The following FBXO43 variants were observed in gnomAD, a reference collection of about 807,000 sequenced individuals.
FBXO43 encodes F-box protein 43.
In FBXO43, 22 loss-of-function variants were observed where a neutral mutation model predicts 56.7. The observed-to-expected ratio is 0.39, with a 90% CI of 0.28 to 0.55. FBXO43 has a LOEUF of 0.55. Ranked by LOEUF, FBXO43 falls within the 20% of genes least tolerant of loss-of-function variation. FBXO43 has a pLI of 0.66. For missense variants in FBXO43, 733 were observed against 814.9 expected (o/e 0.90, Z 1.22); for synonymous variants, 306 against 294.5 (o/e 1.04, Z -0.40).
rs1012649633 is a variant in FBXO43, at chr8:100,141,066, T to C, written c.1188A>G (p.Thr396=). The change falls in exon 2 of 5, where the codon ACA becomes ACG. Residue 396 remains threonine (T), a synonymous_variant. Transcript: ENST00000428847. The part of the protein sequence containing the change: ...TLREQSSQSE[T]EEEKQIVHPD... Reference sequence around the variant, plus strand: ...GGTGGACAATCTGCTTTTCCTCTTCTGTCTCTGACTGCGAGCTTTGTTCCC... The same window carrying C: ...GGTGGACAATCTGCTTTTCCTCTTCCGTCTCTGACTGCGAGCTTTGTTCCC... 1.7e-5 allele frequency: 28 copies of C among 1,614,192 alleles called. No individual in the cohort carries two copies. The highest frequency in any genetic ancestry group is 2.3e-5 in the Non-Finnish European group (27 of 1,180,026).
intron 3 of FBXO43, among the ~76,000 whole-genome samples, chr8:100,136,537 T>A (rs549725798): frequency 6.6e-6 from 1 of 152,352 alleles, no homozygotes; most frequent in Admixed American, 6.5e-5. Context: ...TCAGCTTCTA[T>A]AGGACTTTTC....
chr8:100,133,867 G>C lies in FBXO43; in HGVS notation c.2062C>G (p.Pro688Ala), dbSNP rs745516435. The C allele has an allele frequency of 6.8e-6, 11 of 1,613,900 alleles. No individual in the cohort carries two copies. Among genetic ancestry groups the C allele is most frequent in the Admixed American group, 5.0e-5 (3 of 59,980 alleles). Reference protein sequence around the residue: ...SEECSRGAAKPRNRKDALPGS... With the variant: ...SEECSRGAAKARNRKDALPGS... ...GGGAGAGCATCTTTTCTATTTCTTGGCTTTGCTGCTCCTCTACTACATTCT... is the reference window on the plus strand; with the variant it reads ...GGGAGAGCATCTTTTCTATTTCTTGCCTTTGCTGCTCCTCTACTACATTCT... Residue 688 changes from proline (P) to alanine (A), a missense_variant, in exon 5 of 5, where the codon CCA (proline) becomes GCA (alanine). Physicochemically the swap from Pro to Ala is conservative, Grantham distance 27 (BLOSUM62 -1). Transcript: ENST00000428847.
intron 2 of FBXO43, among the ~76,000 whole-genome samples, chr8:100,139,720 G>A (rs1814580813): frequency 6.6e-6 from 1 of 152,110 alleles, no homozygotes; most frequent in African/African-American, 2.4e-5. Flanking sequence ...TTATTATGTA[G>A]CAGCATTCAA....
In FBXO43 at chr8:100,141,204, G is replaced by C; in HGVS notation, c.1050C>G (p.Asp350Glu). Residue 350 changes from aspartate (D) to glutamate (E), a missense_variant, in exon 2 of 5, where the codon GAC becomes GAG. Asp to Glu is a conservative substitution (Grantham distance 45). Coordinates refer to ENST00000428847, the MANE Select transcript of FBXO43 (RefSeq NM_001029860.4). ...SLEKSEDSLSDQEGSFQELLQ... is the reference protein window; with the variant it reads ...SLEKSEDSLSEQEGSFQELLQ... The stretch of plus-strand genomic sequence containing the variant: ...GTAGTTCTTGAAAAGAACCCTCCTG[G>C]TCAGACAGGGAATCTTCTGATTTCT... 1.2e-6 allele frequency: 2 copies of C among 1,614,164 alleles called. No individual in the cohort carries two copies. Among genetic ancestry groups the C allele is most frequent in the East Asian group, 4.5e-5 (2 of 44,890 alleles).
At chr8:100,144,728 G>A (rs1335771932) in intron 1 of FBXO43, among the ~76,000 whole-genome samples, 3 of 151,432 alleles carry the variant, frequency 2.0e-5, no homozygotes, top group African/African-American at 7.3e-5. Flanking sequence ...TCAGGAGAGC[G>A]AGACCAACCT....
rs747487816 is a variant in FBXO43, at chr8:100,134,359, A to G, written c.1680T>C (p.Ala560=). ...ITQLKTDSEG[A]VLNVEDAATR... is the part of the protein sequence containing the mutation. ...TGGCAGCATCCTCGACATTTAATAC[A>G]GCCCCCTGTGGTAAAGGACAAGAGG... is the stretch of plus-strand genomic sequence containing the variant. Residue 560 remains alanine (A), a synonymous_variant, in exon 4 of 5, where the codon GCT becomes GCC. Transcript: ENST00000428847. The G allele has an allele frequency of 2.1e-5, 34 of 1,613,100 alleles. No individual in the cohort carries two copies. In the Admixed American group the frequency reaches 5.3e-4, roughly 25 times the overall value.
chr8:100,141,336 A>C lies in FBXO43; in HGVS notation c.918T>G (p.Leu306=). Residue 306 remains leucine, a synonymous_variant, in exon 2 of 5, where the codon CTT becomes CTG. Transcript: ENST00000428847. ...EDIFVTPISN[L]VANIRFNASQ... ...TTGCGTTAAATCTAATGTTTGCCAC[A>C]AGATTACTTATCGGAGTCACAAATA... 1 of 1,613,810 alleles carries C rather than the reference A, an allele frequency of 6.2e-7. No homozygotes were observed. Among genetic ancestry groups the C allele is most frequent in the Non-Finnish European group, 8.5e-7 (1 of 1,180,036 alleles).
rs978854471 is a variant in FBXO43, at chr8:100,145,192, T to C, written c.-57A>G. The C allele has an allele frequency of 4.1e-6, 6 of 1,464,626 alleles. No homozygotes were observed. The African/African-American group carries it at 8.4e-5, about 21-fold the overall frequency. 90.7% of individuals were successfully genotyped at this position (1,464,626 alleles called of 1,614,324 possible). The stretch of plus-strand genomic sequence containing the variant: ...TTAGTTTGCACAATTAATTGAAAGG[T>C]GCAGCAGCATCATGATTGCTCAAAG... On this transcript the variant is annotated 5_prime_UTR_variant, in exon 1 of 5. Transcript: ENST00000428847.
At chr8:100,136,245 A>G (rs1461447256) in intron 3 of FBXO43, among the ~76,000 whole-genome samples, 1 of 152,224 alleles carries the variant, frequency 6.6e-6, no homozygotes, top group East Asian at 1.9e-4. Context: ...AAGAAAGTCA[A>G]AGTTTTAGTT....
chr8:100,142,241 TGTTA>T, intron 1 of FBXO43, 73 bp from the exon 2 acceptor site: 1 of 1,341,034 alleles, frequency 7.5e-7, no homozygotes, highest in Non-Finnish European at 1.0e-6. Flanking sequence ...ATACATTATT[TGTTA>T]TGAGTACAGA....
At chr8:100,138,843 G>C (rs1304199230) in intron 2 of FBXO43, among the ~76,000 whole-genome samples, 1 of 152,144 alleles carries the variant, frequency 6.6e-6, no homozygotes, top group Non-Finnish European at 1.5e-5. Flanking sequence ...TTTGAGACCA[G>C]CCTGGGCAAT....
rs1434300941 is a variant in FBXO43, at chr8:100,141,933, G to A, written c.321C>T (p.His107=). Residue 107 remains histidine, a synonymous_variant, in exon 2 of 5, where the codon CAC becomes CAT. Transcript: ENST00000428847. ...KEKGPTLLYE[H]PETSGLGLTH... is the part of the protein sequence containing the mutation. The stretch of plus-strand genomic sequence containing the variant: ...TTAAGCCCAGGCCTGAAGTTTCAGG[G>A]TGCTCATAGAGTAATGTTGGGCCTT... 1.3e-6 allele frequency: 2 copies of A among 1,594,930 alleles called. No homozygotes were observed. Among genetic ancestry groups the A allele is most frequent in the African/African-American group, 2.7e-5 (2 of 73,644 alleles).
chr8:100,135,911 T>C (rs1259544888), intron 3 of FBXO43, among the ~76,000 whole-genome samples: 1 of 151,560 alleles, frequency 6.6e-6, no homozygotes, highest in Non-Finnish European at 1.5e-5. Context: ...TGGCCAAATA[T>C]GAGACTATTT....
chr8:100,150,265 C>A (rs777925183), upstream of FBXO43, among the ~76,000 whole-genome samples: 1 of 152,174 alleles, frequency 6.6e-6, no homozygotes, highest in East Asian at 1.9e-4. Flanking sequence ...TGTTTTTCTA[C>A]GTGAAAATCA....
chr8:100,147,970 AC>A (rs1445648044), upstream of FBXO43, among the ~76,000 whole-genome samples: 3 of 151,960 alleles, frequency 2.0e-5, no homozygotes, highest in African/African-American at 7.3e-5. Flanking sequence ...CAGCCATTTT[AC>A]CCTTTCCTGC....
upstream of FBXO43, among the ~76,000 whole-genome samples, chr8:100,148,960 A>G (rs780021115): frequency 6.6e-6 from 1 of 152,258 alleles, no homozygotes; most frequent in East Asian, 1.9e-4. Context: ...TTCTTAATAA[A>G]GAGTTAAAAG....
upstream of FBXO43, among the ~76,000 whole-genome samples, chr8:100,149,069 C>T (rs1365098731): frequency 6.6e-6 from 1 of 152,190 alleles, no homozygotes; most frequent in Non-Finnish European, 1.5e-5. Context: ...TTAATGCTAT[C>T]ATTGATAATA....
intron 3 of FBXO43, among the ~76,000 whole-genome samples, chr8:100,135,610 AT>A (rs1433105523): frequency 0.013 from 1,888 of 147,534 alleles, 36 homozygotes; most frequent in African/African-American, 0.043. Flanking sequence ...TAAGGATATA[AT>A]TTTTTTTTTT....
At chr8:100,147,500 T>A (rs1287629740), upstream of FBXO43, among the ~76,000 whole-genome samples, 1 of 151,878 alleles carries the variant, frequency 6.6e-6, no homozygotes, top group Non-Finnish European at 1.5e-5. Context: ...AAACTAAGAG[T>A]TGTTAGAGGA....
Sources: allele counts gnomAD v4.1 joint callset (sites outside exome capture counted in the v4.1 genomes callset), GRCh38; gene constraint gnomAD v4.1.1; transcripts MANE v1.5; gene names NCBI Gene and HGNC (gene_info 2026-07-23, HGNC 2026-07-21).